Variants in CCSER1 observed in about 807,000 individuals in gnomAD.
The protein encoded by CCSER1 is serine-rich coiled-coil domain-containing protein 1.
In CCSER1, 41 loss-of-function variants were observed where a neutral mutation model predicts 82.0. The ratio of observed to expected loss-of-function variants is 0.50; its 90% confidence interval spans 0.39 to 0.65. The LOEUF is 0.65. Ranked by LOEUF, CCSER1 falls within the 30% of genes least tolerant of loss-of-function variation. CCSER1 has a pLI of 0.00. For missense variants in CCSER1, 1,119 were observed against 1,064.2 expected, an observed-to-expected ratio of 1.05 and a Z score of -0.72; for synonymous variants, 414 against 383.9, an observed-to-expected ratio of 1.08 and a Z score of -0.92.
At chr4:90,139,527 C>T (rs976760186) in intron 1 of CCSER1, among the ~76,000 whole-genome samples, 22 of 151,972 alleles carry the variant, frequency 1.4e-4, no homozygotes, top group Admixed American at 9.2e-4. Context: ...ATTTTTTTCA[C>T]GTATTGCCAA....
At chr4:90,184,596 T>C (rs1734281055) in intron 1 of CCSER1, among the ~76,000 whole-genome samples, 1 of 152,140 alleles carries the variant, frequency 6.6e-6, no homozygotes, top group Non-Finnish European at 1.5e-5. Flanking sequence ...GAGAGCATGC[T>C]ACATTTTAAA....
chr4:90,854,574 G>A (rs1764251735), intron 8 of CCSER1, among the ~76,000 whole-genome samples: 2 of 152,084 alleles, frequency 1.3e-5, no homozygotes, highest in African/African-American at 4.8e-5. Flanking sequence ...TGAGTTCTCT[G>A]TTGCTGAAAT....
At chr4:91,099,408 A>G (rs1039264819) in intron 10 of CCSER1, among the ~76,000 whole-genome samples, 1 of 152,168 alleles carries the variant, frequency 6.6e-6, no homozygotes, top group Non-Finnish European at 1.5e-5. Context: ...TTGATAGGCA[A>G]TAAGGAGAGT....
At chr4:91,526,626 A>G (rs1381974414) in intron 10 of CCSER1, among the ~76,000 whole-genome samples, 1 of 152,138 alleles carries the variant, frequency 6.6e-6, no homozygotes, top group African/African-American at 2.4e-5. Context: ...ATTTCTTGAG[A>G]TGGAGTTTGC....
intron 10 of CCSER1, among the ~76,000 whole-genome samples, chr4:91,521,998 G>C (rs1429618072): frequency 6.6e-6 from 1 of 152,140 alleles, no homozygotes; most frequent in Non-Finnish European, 1.5e-5. Flanking sequence ...TTCTTCTAGG[G>C]TTTTTATGGT....
chr4:91,443,454 A>G (rs900631749), intron 10 of CCSER1, among the ~76,000 whole-genome samples: 4 of 140,632 alleles, frequency 2.8e-5, no homozygotes, highest in African/African-American at 7.9e-5. Flanking sequence ...GAATTGAACA[A>G]TGAGAACACA....
At chr4:90,304,379 C>T (rs1362205378) in intron 1 of CCSER1, among the ~76,000 whole-genome samples, 1 of 152,134 alleles carries the variant, frequency 6.6e-6, no homozygotes, top group Non-Finnish European at 1.5e-5. Context: ...TTCACAACAG[C>T]AAAGACTTGG....
intron 5 of CCSER1, among the ~76,000 whole-genome samples, chr4:90,553,665 G>A (rs1435555024): frequency 6.6e-6 from 1 of 152,030 alleles, no homozygotes; most frequent in Non-Finnish European, 1.5e-5. Flanking sequence ...ATTTTAATTG[G>A]TTATAAATAA....
chr4:90,575,743 T>C (rs1780677471), intron 5 of CCSER1, among the ~76,000 whole-genome samples: 1 of 152,248 alleles, frequency 6.6e-6, no homozygotes, highest in Non-Finnish European at 1.5e-5. Flanking sequence ...TTCTTGTGTG[T>C]TTGTAAATGC....
chr4:91,263,298 C>G (rs1741331599), intron 10 of CCSER1, among the ~76,000 whole-genome samples: 1 of 151,986 alleles, frequency 6.6e-6, no homozygotes, highest in Admixed American at 6.5e-5. Flanking sequence ...CTTACGTTTT[C>G]TACTTGATAT....
chr4:90,902,050 T>C (rs1724734967), intron 8 of CCSER1, among the ~76,000 whole-genome samples: 1 of 151,918 alleles, frequency 6.6e-6, no homozygotes, highest in Non-Finnish European at 1.5e-5. Flanking sequence ...TCTAAAATTC[T>C]TTCTTCTGCT....
At chr4:90,633,803 T>A (rs1724919931) in intron 6 of CCSER1, among the ~76,000 whole-genome samples, 5 of 151,912 alleles carry the variant, frequency 3.3e-5, no homozygotes, top group Admixed American at 3.3e-4. Context: ...GAGCTAAGAA[T>A]TAATAATCTG....
chr4:90,628,699 G>A (rs781683318), intron 6 of CCSER1, among the ~76,000 whole-genome samples: 4 of 152,116 alleles, frequency 2.6e-5, no homozygotes, highest in Non-Finnish European at 4.4e-5. Context: ...CTGAAGGTCT[G>A]AATGATTTTG....
chr4:91,438,078 G>C (rs1754799708), intron 10 of CCSER1, among the ~76,000 whole-genome samples: 1 of 152,190 alleles, frequency 6.6e-6, no homozygotes, highest in Non-Finnish European at 1.5e-5. Context: ...AAAGACAGCA[G>C]TAACCTCTGC....
At chr4:91,208,329 T>C (rs1736517437) in intron 10 of CCSER1, among the ~76,000 whole-genome samples, 1 of 151,992 alleles carries the variant, frequency 6.6e-6, no homozygotes, top group Non-Finnish European at 1.5e-5. Context: ...TGGTATTTCC[T>C]AGATTATCTT....
chr4:91,300,071 G>A (rs562686814), intron 10 of CCSER1, among the ~76,000 whole-genome samples: 1 of 151,988 alleles, frequency 6.6e-6, no homozygotes, highest in South Asian at 2.1e-4. Context: ...TGACTTTGGA[G>A]TACTTTTCAG....
chr4:90,377,403 A>G (rs1748508188), intron 3 of CCSER1, among the ~76,000 whole-genome samples: 1 of 152,166 alleles, frequency 6.6e-6, no homozygotes, highest in Non-Finnish European at 1.5e-5. Context: ...GTGCCAAACT[A>G]TCATCAATAC....
chr4:90,899,106 A>G (rs779858977), intron 8 of CCSER1, among the ~76,000 whole-genome samples: 4 of 151,946 alleles, frequency 2.6e-5, no homozygotes, highest in Non-Finnish European at 5.9e-5. Flanking sequence ...TCTTTGTGTC[A>G]TTGATGATTT....
rs151163998 is a variant in CCSER1 at position 90,220,641 on chromosome 4, C to T, written c.-41-87603C>T. Reference sequence around the variant, plus strand: ...CTGGCACGTTTCTGTACTTTGTATCCGTCTCTCCTGGCCAATCTTGTGCAT... The same window carrying T: ...CTGGCACGTTTCTGTACTTTGTATCTGTCTCTCCTGGCCAATCTTGTGCAT... On this transcript the variant is annotated intron_variant, in intron 1 of 10. Transcript: ENST00000509176. Among the ~76,000 whole-genome samples, 83 of 152,288 alleles carry T rather than the reference C, an allele frequency of 5.5e-4. No homozygotes were observed. The South Asian group carries it at 9.1e-3, about 17-fold the overall frequency.
Sources: gnomAD v4.1 joint callset for allele counts (sites outside exome capture counted in the v4.1 genomes callset) on GRCh38, gnomAD v4.1.1 for gene constraint, MANE v1.5 for transcripts, NCBI Gene and HGNC (gene_info 2026-07-23, HGNC 2026-07-21) for gene names.